Variants in PDE10A observed in about 807,000 individuals in gnomAD.
The protein encoded by PDE10A is phosphodiesterase 10A.
Under a neutral mutation model 97.7 loss-of-function variants are expected in PDE10A, and 39 were observed. That is an observed-to-expected ratio of 0.40 (90% CI 0.31 to 0.52). The LOEUF is 0.52. Ranked by LOEUF, PDE10A falls within the 20% of genes least tolerant of loss-of-function variation. PDE10A has a pLI of 0.56. For missense variants in PDE10A, 731 were observed against 1,047.8 expected (o/e 0.70, Z 4.17); for synonymous variants, 371 against 376.8 (o/e 0.98, Z 0.18).
chr6:165,535,629 AT>A (rs1020732318), intron 2 of PDE10A, among the ~76,000 whole-genome samples: 1 of 151,136 alleles, frequency 6.6e-6, no homozygotes, highest in Non-Finnish European at 1.5e-5. Context: ...GTACACACAC[AT>A]TTTCTTTGTC....
intron 1 of PDE10A, among the ~76,000 whole-genome samples, chr6:165,802,779 T>C (rs547662956): frequency 9.5e-4 from 145 of 152,312 alleles, no homozygotes; most frequent in African/African-American, 3.1e-3. Flanking sequence ...GTACCTTGAA[T>C]CCCCTCTCCC....
chr6:165,715,088 G>A (rs759232915), intron 1 of PDE10A, among the ~76,000 whole-genome samples: 10 of 152,194 alleles, frequency 6.6e-5, no homozygotes, highest in African/African-American at 1.7e-4. Flanking sequence ...CTGCAGGGAC[G>A]GCCGCCCGAG....
chr6:165,931,990 G>T (rs551327849), intron 1 of PDE10A, among the ~76,000 whole-genome samples: 8 of 152,314 alleles, frequency 5.3e-5, no homozygotes, highest in African/African-American at 1.9e-4. Context: ...GTCCCCTCAC[G>T]AGGCAGGTGA....
rs577173939 is a variant in PDE10A, at chr6:165,969,072, T to C, written c.-615+18457A>G. 3.3e-4 allele frequency among the ~76,000 whole-genome samples: 51 copies of C among 152,366 alleles called. 1 individual carries two copies. The highest frequency in any genetic ancestry group is 1.2e-3 in the African/African-American group (50 of 41,602). On this transcript the variant is annotated intron_variant, in intron 1 of 19. Coordinates refer to the PDE10A transcript ENST00000366882. ...TCATTGTCCTCATTTAATGACATTC[T>C]GGAAGCATTTGACAATGCCATCAGA...
At chr6:165,946,104 G>T (rs1583325358) in intron 1 of PDE10A, among the ~76,000 whole-genome samples, 1 of 152,184 alleles carries the variant, frequency 6.6e-6, no homozygotes, top group South Asian at 2.1e-4. Context: ...ATGTCATACA[G>T]CTTTTCCCTT....
chr6:165,459,727 C>T (rs1457051005), intron 3 of PDE10A, among the ~76,000 whole-genome samples: 1 of 152,094 alleles, frequency 6.6e-6, no homozygotes, highest in Non-Finnish European at 1.5e-5. Flanking sequence ...TTGATTATAT[C>T]AAGGCCTGTG....
chr6:165,529,926 G>A (rs599712), intron 2 of PDE10A, among the ~76,000 whole-genome samples: 105,040 of 151,932 alleles, frequency 0.69, 39,636 homozygotes, highest in Non-Finnish European at 0.83. Context: ...GGAGGATGCA[G>A]AGTATTAATC....
chr6:165,970,797 C>T (rs1184290530), intron 1 of PDE10A, among the ~76,000 whole-genome samples: 1 of 152,018 alleles, frequency 6.6e-6, no homozygotes, highest in Admixed American at 6.5e-5. Context: ...AAAAACAGTG[C>T]ATTGGAGAAA....
intron 1 of PDE10A, among the ~76,000 whole-genome samples, chr6:165,650,322 G>A (rs1223508979): frequency 1.3e-5 from 2 of 152,106 alleles, no homozygotes; most frequent in Non-Finnish European, 2.9e-5. Context: ...GGGTAACACT[G>A]AAAAGTCTCC....
At chr6:165,617,109 T>C (rs1314551940) in intron 1 of PDE10A, among the ~76,000 whole-genome samples, 2 of 152,204 alleles carry the variant, frequency 1.3e-5, no homozygotes, top group African/African-American at 4.8e-5. Context: ...TAGTTACCTT[T>C]AACATCCTTA....
chr6:165,984,791 A>G (rs562031734), intron 1 of PDE10A, among the ~76,000 whole-genome samples: 2 of 152,348 alleles, frequency 1.3e-5, no homozygotes, highest in South Asian at 4.1e-4. Context: ...GCCTGCAGTT[A>G]CTGAAATACC....
chr6:165,513,851 A>G (rs1308774789), intron 2 of PDE10A, among the ~76,000 whole-genome samples: 2 of 152,130 alleles, frequency 1.3e-5, no homozygotes, highest in Non-Finnish European at 2.9e-5. Context: ...TTGACCATGT[A>G]GCCTGAGACC....
chr6:165,654,126 A>G (rs909357259), intron 1 of PDE10A, among the ~76,000 whole-genome samples: 1 of 152,306 alleles, frequency 6.6e-6, no homozygotes, highest in African/African-American at 2.4e-5. Context: ...TATTTTTTAA[A>G]TGCAGAGTGT....
intron 1 of PDE10A, chr6:165,949,227 T>C (rs1472068418): frequency 6.6e-6 from 1 of 152,192 alleles, no homozygotes; most frequent in African/African-American, 2.4e-5. Flanking sequence ...CGCTAACCCA[T>C]TTGAGATGAG....
At chr6:165,697,153 T>C (rs1791462167) in intron 1 of PDE10A, among the ~76,000 whole-genome samples, 1 of 152,076 alleles carries the variant, frequency 6.6e-6, no homozygotes, top group African/African-American at 2.4e-5. Context: ...TGAAAAATGG[T>C]AACCATCCAG....
intron 1 of PDE10A, among the ~76,000 whole-genome samples, chr6:165,726,966 G>A (rs1179783792): frequency 6.6e-6 from 1 of 152,222 alleles, no homozygotes; most frequent in African/African-American, 2.4e-5. Context: ...GATGGGCCGA[G>A]CCAGGCCACC....
In PDE10A at chr6:165,805,150, G is replaced by T. The variant is rs1000056970; in HGVS notation, c.-615+182379C>A. Among the ~76,000 whole-genome samples the T allele has an allele frequency of 2.0e-5, 3 of 151,702 alleles. No individual in the cohort carries two copies. The East Asian group carries it at 5.9e-4, about 30-fold the overall frequency. ...GAGCATGGAGGGACGTGGGGCGCGCGGAGGGGCGGCGGGGCGTGGGACGCG... is the reference window on the plus strand; with the variant it reads ...GAGCATGGAGGGACGTGGGGCGCGCTGAGGGGCGGCGGGGCGTGGGACGCG... On this transcript the variant is annotated intron_variant, in intron 1 of 19. Transcript: ENST00000366882.
chr6:165,481,288 G>A lies in PDE10A; in HGVS notation c.1023+1027C>T, dbSNP rs140926358. ...GTCCAGACCAAGGAACTCTTCAATT[G>A]TGAGTTCCACAAATGTGACATTAAT... is the stretch of plus-strand genomic sequence containing the variant. On this transcript the variant is annotated intron_variant, in intron 3 of 21. Coordinates refer to ENST00000539869, the MANE Select transcript of PDE10A (RefSeq NM_001385079.1). Among the ~76,000 whole-genome samples, 19 of 152,170 alleles carry A rather than the reference G, an allele frequency of 1.2e-4. No individual in the cohort carries two copies. The East Asian group carries it at 3.7e-3, about 30-fold the overall frequency.
intron 1 of PDE10A, chr6:165,948,249 T>G (rs1783843032): frequency 6.6e-6 from 1 of 152,118 alleles, no homozygotes; most frequent in South Asian, 2.1e-4. Context: ...TATTATCAAG[T>G]GCAGGTGGAG....
Sources: allele counts gnomAD v4.1 joint callset (sites outside exome capture counted in the v4.1 genomes callset), GRCh38; gene constraint gnomAD v4.1.1; transcripts MANE v1.5; gene names NCBI Gene and HGNC (gene_info 2026-07-23, HGNC 2026-07-21).